Variants in STARD13 observed in about 807,000 individuals in gnomAD.
STARD13 encodes stAR-related lipid transfer protein 13.
STARD13 carries 62 observed loss-of-function variants against 106.4 expected under a neutral mutation model. The observed-to-expected ratio is 0.58, with a 90% CI of 0.48 to 0.72. The LOEUF is 0.72. STARD13 is among the 30% of genes least tolerant of loss of function. The pLI is 0.00. For missense variants in STARD13, 1,387 were observed against 1,424.0 expected, an observed-to-expected ratio of 0.97 and a Z score of 0.42; for synonymous variants, 565 against 553.0, an observed-to-expected ratio of 1.02 and a Z score of -0.31.
chr13:33,542,633 C>T, the STARD13 span, among the ~76,000 whole-genome samples: 3 of 152,244 alleles, frequency 2.0e-5, no homozygotes, highest in Non-Finnish European at 4.4e-5. Flanking sequence ...CGGGTTTCCG[C>T]TCCGGGGCTC....
At chr13:33,124,449 C>T (rs1326903647) in intron 7 of STARD13, among the ~76,000 whole-genome samples, 1 of 151,984 alleles carries the variant, frequency 6.6e-6, no homozygotes, top group African/African-American at 2.4e-5. Flanking sequence ...CTTCTTCCTC[C>T]AAGCCTTTGC....
upstream of STARD13, among the ~76,000 whole-genome samples, chr13:33,290,230 G>A (rs1313871748): frequency 2.0e-5 from 3 of 152,144 alleles, no homozygotes; most frequent in African/African-American, 7.2e-5. Flanking sequence ...TTCAGAGGGA[G>A]CCAAGGTAGT....
chr13:33,477,423 G>A, the STARD13 span, among the ~76,000 whole-genome samples: 2 of 152,056 alleles, frequency 1.3e-5, no homozygotes, highest in Non-Finnish European at 2.9e-5. Context: ...CAATAATATG[G>A]GACAAAATAA....
intron 1 of STARD13, among the ~76,000 whole-genome samples, chr13:33,182,378 T>C (rs1885324420): frequency 6.6e-6 from 1 of 152,324 alleles, no homozygotes; most frequent in East Asian, 1.9e-4. Flanking sequence ...ATTCTGTCTC[T>C]TCCAGTCCCC....
At chr13:33,666,941 T>C in the STARD13 span, among the ~76,000 whole-genome samples, 1 of 152,178 alleles carries the variant, frequency 6.6e-6, no homozygotes, top group Admixed American at 6.5e-5. Flanking sequence ...GATGAATAGA[T>C]GGATAAATTT....
At chr13:33,516,288 A>T in the STARD13 span, among the ~76,000 whole-genome samples, 1 of 150,156 alleles carries the variant, frequency 6.7e-6, no homozygotes, top group African/African-American at 2.4e-5. Context: ...TTGAAATTTC[A>T]TATATAGTTG....
At chr13:33,229,656 C>A (rs555044195) in intron 1 of STARD13, among the ~76,000 whole-genome samples, 18 of 152,176 alleles carry the variant, frequency 1.2e-4, no homozygotes, top group African/African-American at 3.1e-4. Flanking sequence ...ACAGAAATGG[C>A]CTGTTTTTCA....
At chr13:33,509,586 G>T in the STARD13 span, among the ~76,000 whole-genome samples, 6 of 152,158 alleles carry the variant, frequency 3.9e-5, no homozygotes, top group Non-Finnish European at 8.8e-5. Context: ...CTAGGGAGAG[G>T]GGTAGAGCAT....
At chr13:33,422,793 C>T in the STARD13 span, among the ~76,000 whole-genome samples, 7 of 152,244 alleles carry the variant, frequency 4.6e-5, no homozygotes, top group South Asian at 1.5e-3. Flanking sequence ...TAACACCACA[C>T]ATCTACAACC....
chr13:33,112,874 T>C lies in STARD13; in HGVS notation c.2339A>G (p.Asp780Gly). 6.2e-7 allele frequency: 1 copy of C among 1,613,898 alleles called. No individual in the cohort carries two copies. The highest frequency in any genetic ancestry group is 8.5e-7 in the Non-Finnish European group (1 of 1,179,878). The change falls in exon 9 of 14, where the codon GAT (aspartate) becomes GGT (glycine). Residue 780 changes from aspartate (D) to glycine (G), a missense_variant. Asp to Gly is a moderately conservative substitution (Grantham distance 94). Coordinates refer to ENST00000336934, the MANE Select transcript of STARD13 (RefSeq NM_178006.4). ...AVQAAILLLADENREVLQTLL... is the reference protein window; with the variant it reads ...AVQAAILLLAGENREVLQTLL... Reference sequence around the variant, plus strand: ...CGTCTGCAGGACCTCCCTGTTCTCATCGGCCAGTAGCAGGATGGCAGCCTG... The same window carrying C: ...CGTCTGCAGGACCTCCCTGTTCTCACCGGCCAGTAGCAGGATGGCAGCCTG...
chr13:33,294,592 T>G (rs1018142312), intron 1 of STARD13, among the ~76,000 whole-genome samples: 1 of 152,234 alleles, frequency 6.6e-6, no homozygotes, highest in Admixed American at 6.5e-5. Flanking sequence ...TACTGGAGAT[T>G]TTAACAAATT....
chr13:33,530,975 C>CGG, the STARD13 span, among the ~76,000 whole-genome samples: 1 of 152,130 alleles, frequency 6.6e-6, no homozygotes, highest in Non-Finnish European at 1.5e-5. Context: ...GCTGTGTCCC[C>CGG]ACCCAAATCT....
the STARD13 span, among the ~76,000 whole-genome samples, chr13:33,552,788 C>T: frequency 6.6e-6 from 1 of 151,986 alleles, no homozygotes; most frequent in Non-Finnish European, 1.5e-5. Context: ...ATAATACTTC[C>T]AAATGTCAGT....
chr13:33,245,335 A>G (rs1410743164), intron 1 of STARD13, among the ~76,000 whole-genome samples: 1 of 152,230 alleles, frequency 6.6e-6, no homozygotes, highest in Non-Finnish European at 1.5e-5. Flanking sequence ...ACAGAACACA[A>G]TCTTCATCCG....
In STARD13 at chr13:33,129,802, T is replaced by C. The variant is rs1243042458; in HGVS notation, c.875A>G (p.Gln292Arg). The change falls in exon 5 of 14, where the codon CAG (glutamine) becomes CGG (arginine). Residue 292 changes from glutamine (Q) to arginine (R), a missense_variant. By Grantham distance (43) the Gln-to-Arg change is conservative. Transcript: ENST00000336934. ...GGLVISGPMLQQEPESFKAMQ... is the reference protein window; with the variant it reads ...GGLVISGPMLRQEPESFKAMQ... ...AGCCTTAAAGGACTCTGGCTCCTGC[T>C]GCAACATGGGCCCACTGATCACCAG... is the stretch of plus-strand genomic sequence containing the variant. 6.2e-7 allele frequency: 1 copy of C among 1,613,740 alleles called. No individual in the cohort carries two copies. Among genetic ancestry groups the C allele is most frequent in the Non-Finnish European group, 8.5e-7 (1 of 1,180,042 alleles).
chr13:33,374,910 C>G, the STARD13 span, among the ~76,000 whole-genome samples: 3 of 152,130 alleles, frequency 2.0e-5, no homozygotes, highest in South Asian at 4.1e-4. Flanking sequence ...ATCCAAAATT[C>G]TTTATTGCTA....
At chr13:33,350,952 A>T (rs1486863912), upstream of STARD13, among the ~76,000 whole-genome samples, 1 of 151,970 alleles carries the variant, frequency 6.6e-6, no homozygotes, top group Non-Finnish European at 1.5e-5. Context: ...CAACTACAAC[A>T]ACAACAACAA....
rs190434824 is a variant in STARD13, at chr13:33,190,873, C to T, written c.170-23251G>A. On this transcript the variant is annotated intron_variant, in intron 1 of 13. Coordinates refer to ENST00000336934, the MANE Select transcript of STARD13 (RefSeq NM_178006.4). Reference sequence around the variant, plus strand: ...TGCTGGGATTACAGGCATGAGCCACCGTACCCGGCCACTACACCCGTTTAT... The same window carrying T: ...TGCTGGGATTACAGGCATGAGCCACTGTACCCGGCCACTACACCCGTTTAT... 8.2e-4 allele frequency among the ~76,000 whole-genome samples: 125 copies of T among 152,164 alleles called. 1 individual carries two copies. Among genetic ancestry groups the T allele is most frequent in the East Asian group, 2.9e-3 (15 of 5,180 alleles).
At chr13:33,368,780 GCAGCAC>G in the STARD13 span, among the ~76,000 whole-genome samples, 1 of 152,144 alleles carries the variant, frequency 6.6e-6, no homozygotes, top group African/African-American at 2.4e-5. Flanking sequence ...CCTCCTCCGA[GCAGCAC>G]TCGGAGGAGC....
Sources: gnomAD v4.1 joint callset for allele counts (sites outside exome capture counted in the v4.1 genomes callset) on GRCh38, gnomAD v4.1.1 for gene constraint, MANE v1.5 for transcripts, NCBI Gene and HGNC (gene_info 2026-07-23, HGNC 2026-07-21) for gene names.